Variants in CLSTN2 observed in about 807,000 individuals in gnomAD.
CLSTN2 encodes the protein calsyntenin 2, also known as calsyntenin-2.
In CLSTN2, 48 loss-of-function variants were observed where a neutral mutation model predicts 101.2. The observed-to-expected ratio is 0.47, with a 90% CI of 0.38 to 0.60. The LOEUF (loss-of-function observed/expected upper bound fraction) is 0.60. Among genes scored for constraint, CLSTN2 ranks in the 20% least tolerant of loss-of-function variants. CLSTN2 has a pLI of 0.00. For missense variants in CLSTN2, 1,160 were observed against 1,238.2 expected, an observed-to-expected ratio of 0.94 and a Z score of 0.95; for synonymous variants, 481 against 463.6, an observed-to-expected ratio of 1.04 and a Z score of -0.48.
intron 1 of CLSTN2, among the ~76,000 whole-genome samples, chr3:140,119,484 G>C (rs2009303323): frequency 6.6e-6 from 1 of 152,112 alleles, no homozygotes; most frequent in Admixed American, 6.5e-5. Context: ...GTTAATTGTT[G>C]GAATGTATGG....
At chr3:140,525,249 TG>T (rs1404079338) in intron 8 of CLSTN2, among the ~76,000 whole-genome samples, 1 of 152,084 alleles carries the variant, frequency 6.6e-6, no homozygotes, top group African/African-American at 2.4e-5. Context: ...AAATTGGAAA[TG>T]ACAAAGATGA....
intron 1 of CLSTN2, among the ~76,000 whole-genome samples, chr3:139,969,025 G>T (rs113739501): frequency 2.0e-4 from 30 of 151,038 alleles, no homozygotes; most frequent in African/African-American, 7.3e-4. Flanking sequence ...ATAACATTAT[G>T]GAGTTGTCTA....
At chr3:140,244,287 G>A (rs549193463) in intron 2 of CLSTN2, among the ~76,000 whole-genome samples, 2 of 152,300 alleles carry the variant, frequency 1.3e-5, no homozygotes, top group Admixed American at 1.3e-4. Flanking sequence ...ATGAGGGTGG[G>A]TTTTGTGATG....
At chr3:140,082,390 C>T (rs559083995) in intron 1 of CLSTN2, among the ~76,000 whole-genome samples, 23 of 152,226 alleles carry the variant, frequency 1.5e-4, no homozygotes, top group East Asian at 5.8e-4. Flanking sequence ...TAAGAAATTG[C>T]GGGATGGGCC....
chr3:140,107,995 C>T (rs941385069), intron 1 of CLSTN2, among the ~76,000 whole-genome samples: 1 of 152,182 alleles, frequency 6.6e-6, no homozygotes, highest in Non-Finnish European at 1.5e-5. Flanking sequence ...CCATTGTTCT[C>T]GTGCCATTGT....
intron 2 of CLSTN2, among the ~76,000 whole-genome samples, chr3:140,325,136 G>C (rs748827176): frequency 2.6e-5 from 4 of 152,202 alleles, no homozygotes; most frequent in Non-Finnish European, 4.4e-5. Flanking sequence ...GGACTCAAGA[G>C]ATCTTCCCAC....
intron 1 of CLSTN2, among the ~76,000 whole-genome samples, chr3:140,157,427 G>C (rs1455847752): frequency 6.6e-6 from 1 of 152,116 alleles, no homozygotes; most frequent in Non-Finnish European, 1.5e-5. Flanking sequence ...ACTTGTTATT[G>C]ATCTGTTCAG....
chr3:140,061,738 G>C (rs1347809114), intron 1 of CLSTN2, among the ~76,000 whole-genome samples: 1 of 152,218 alleles, frequency 6.6e-6, no homozygotes, highest in Non-Finnish European at 1.5e-5. Context: ...CTGCACCAAG[G>C]CAGATGGAAA....
chr3:140,226,853 A>C (rs1318469), intron 2 of CLSTN2, among the ~76,000 whole-genome samples: 59,217 of 151,884 alleles, frequency 0.39, 13,907 homozygotes, highest in Non-Finnish European at 0.54. Flanking sequence ...GCAAAAAAAA[A>C]CTCCCATTTT....
chr3:140,076,631 T>G (rs1011095923), intron 1 of CLSTN2, among the ~76,000 whole-genome samples: 2 of 137,920 alleles, frequency 1.5e-5, no homozygotes, highest in Non-Finnish European at 3.1e-5. Context: ...CAGTGTTTTT[T>G]TTTTTTTTTT....
intron 2 of CLSTN2, among the ~76,000 whole-genome samples, chr3:140,268,770 T>C (rs566884711): frequency 6.6e-6 from 1 of 152,292 alleles, no homozygotes; most frequent in South Asian, 2.1e-4. Flanking sequence ...CAGTGGGCAG[T>C]GGCAGTATAT....
At chr3:140,171,791 A>AATATGTATTATATAATATATAAT (rs2010234198) in intron 1 of CLSTN2, among the ~76,000 whole-genome samples, 1 of 106,156 alleles carries the variant, frequency 9.4e-6, no homozygotes, top group African/African-American at 3.9e-5. Context: ...TATAATATAT[A>AATATGTATTATATAATATATAAT]ATATATAATA....
At chr3:140,065,456 A>C (rs2008283656) in intron 1 of CLSTN2, among the ~76,000 whole-genome samples, 1 of 152,210 alleles carries the variant, frequency 6.6e-6, no homozygotes, top group Non-Finnish European at 1.5e-5. Context: ...ACTTGAGGAG[A>C]AGAACTATCC....
intron 2 of CLSTN2, among the ~76,000 whole-genome samples, chr3:140,357,256 C>A (rs1011188479): frequency 3.3e-5 from 5 of 152,118 alleles, no homozygotes; most frequent in Non-Finnish European, 4.4e-5. Flanking sequence ...TTCATTATAG[C>A]CCACGAATCT....
chr3:140,471,100 A>G (rs1933837027), intron 8 of CLSTN2, among the ~76,000 whole-genome samples: 1 of 152,178 alleles, frequency 6.6e-6, no homozygotes, highest in Non-Finnish European at 1.5e-5. Flanking sequence ...CATAATGATG[A>G]GGAGAATGTC....
chr3:140,171,342 G>A (rs2010209579), intron 1 of CLSTN2, among the ~76,000 whole-genome samples: 1 of 151,978 alleles, frequency 6.6e-6, no homozygotes, highest in Non-Finnish European at 1.5e-5. Flanking sequence ...CAAGACCTGA[G>A]AATAGCAAGG....
chr3:140,506,635 A>G (rs2107765226), intron 8 of CLSTN2: 1 of 151,684 alleles, frequency 6.6e-6, no homozygotes, highest in South Asian at 2.1e-4. Context: ...TGTGACCAAC[A>G]TTTGTTGTGC....
At chr3:140,023,891 C>T (rs753695133) in intron 1 of CLSTN2, among the ~76,000 whole-genome samples, 6 of 152,188 alleles carry the variant, frequency 3.9e-5, no homozygotes, top group Non-Finnish European at 8.8e-5. Flanking sequence ...CGTCTGGCAC[C>T]AGGCTACGGG....
intron 1 of CLSTN2, among the ~76,000 whole-genome samples, chr3:139,945,639 G>A (rs1935203498): frequency 6.6e-6 from 1 of 152,162 alleles, no homozygotes; most frequent in Admixed American, 6.5e-5. Context: ...AAATTTTCAG[G>A]AAGAACCAGT....
Sources: gnomAD v4.1 joint callset for allele counts (sites outside exome capture counted in the v4.1 genomes callset) on GRCh38, gnomAD v4.1.1 for gene constraint, MANE v1.5 for transcripts, NCBI Gene and HGNC (gene_info 2026-07-23, HGNC 2026-07-21) for gene names.